The following SPOCK1 variants were observed in gnomAD, a reference collection of about 807,000 sequenced individuals.
SPOCK1 encodes SPARC (osteonectin), cwcv and kazal like domains proteoglycan 1.
In SPOCK1, 23 loss-of-function variants were observed where a neutral mutation model predicts 55.3. The observed-to-expected ratio is 0.42, with a 90% confidence interval of 0.30 to 0.59. The LOEUF is 0.59. SPOCK1 is among the 20% of genes least tolerant of loss of function. The pLI is 0.22. For missense variants in SPOCK1, 499 were observed against 552.5 expected (o/e 0.90, Z 0.97); for synonymous variants, 226 against 221.0 (o/e 1.02, Z -0.20).
chr5:137,428,779 C>T lies in SPOCK1; in HGVS notation c.186+69594G>A, dbSNP rs114148338. Reference sequence around the variant, plus strand: ...GAGTTGTCCTAACACCTCCCTCTTCCTAATTCCTCCACCTTAAAGTAAAAC... The same window carrying T: ...GAGTTGTCCTAACACCTCCCTCTTCTTAATTCCTCCACCTTAAAGTAAAAC... On this transcript the variant is annotated intron_variant, in intron 2 of 10. Transcript: ENST00000394945. 8.8e-3 allele frequency among the ~76,000 whole-genome samples: 1,343 copies of T among 152,310 alleles called. 13 individuals carry two copies. The highest frequency in any genetic ancestry group is 0.03 in the African/African-American group (1,257 of 41,566).
At chr5:137,063,090 G>A (rs369503730) in intron 6 of SPOCK1, among the ~76,000 whole-genome samples, 7 of 147,260 alleles carry the variant, frequency 4.8e-5, no homozygotes, top group South Asian at 2.3e-4. Context: ...AAAATTAGCC[G>A]GGCGCGGTGG....
At chr5:137,347,701 G>A (rs866210685) in intron 2 of SPOCK1, among the ~76,000 whole-genome samples, 42 of 151,966 alleles carry the variant, frequency 2.8e-4, no homozygotes, top group African/African-American at 9.9e-4. Flanking sequence ...TGGGCAACAG[G>A]GCAAGACTCC....
At chr5:137,181,701 C>G (rs540785069) in intron 3 of SPOCK1, among the ~76,000 whole-genome samples, 1 of 152,380 alleles carries the variant, frequency 6.6e-6, no homozygotes, top group Non-Finnish European at 1.5e-5. Context: ...AGCTGACAAA[C>G]AGGCTTACTG....
intron 6 of SPOCK1, among the ~76,000 whole-genome samples, chr5:137,051,755 T>C (rs1752212533): frequency 6.6e-6 from 1 of 152,196 alleles, no homozygotes; most frequent in Non-Finnish European, 1.5e-5. Context: ...ATATAGGGCA[T>C]TTTAAAAATA....
At chr5:137,230,147 CAT>C (rs1312344777) in intron 3 of SPOCK1, among the ~76,000 whole-genome samples, 2 of 152,240 alleles carry the variant, frequency 1.3e-5, no homozygotes, top group Non-Finnish European at 2.9e-5. Context: ...AACAACCTAA[CAT>C]AAACTCAGAG....
chr5:137,403,765 C>T (rs1181418234), intron 2 of SPOCK1, among the ~76,000 whole-genome samples: 3 of 151,644 alleles, frequency 2.0e-5, no homozygotes, highest in East Asian at 1.9e-4. Flanking sequence ...TGGAACAGAG[C>T]GAGTGAGGCA....
At chr5:137,003,967 T>C (rs1751195567) in intron 6 of SPOCK1, among the ~76,000 whole-genome samples, 1 of 152,088 alleles carries the variant, frequency 6.6e-6, no homozygotes, top group African/African-American at 2.4e-5. Flanking sequence ...GGCATAGACT[T>C]AAAATGAATG....
At chr5:137,242,981 A>T (rs906574017) in intron 3 of SPOCK1, among the ~76,000 whole-genome samples, 4 of 146,004 alleles carry the variant, frequency 2.7e-5, no homozygotes, top group African/African-American at 9.9e-5. Flanking sequence ...GAGAAAATTG[A>T]GCACAAAGAG....
intron 2 of SPOCK1, chr5:137,365,233 C>G (rs1462477225): frequency 1.3e-5 from 2 of 152,272 alleles, no homozygotes; most frequent in African/African-American, 4.8e-5. Context: ...GGCCAGTAAA[C>G]AAGTGAGGAG....
rs569704667 is a variant in SPOCK1, at chr5:137,273,075, C to A, written c.187-6020G>T. Among the ~76,000 whole-genome samples the A allele has an allele frequency of 2.6e-4, 39 of 152,274 alleles. No individual in the cohort carries two copies. In the South Asian group the frequency reaches 7.5e-3, roughly 29 times the overall value. On this transcript the variant is annotated intron_variant, in intron 2 of 10. Transcript: ENST00000394945. ...TTAGACAAAATGATTCAGAAAATAA[C>A]AATGTCAGTTGCTCTGCTCTTTCAA...
In SPOCK1 at chr5:137,446,684, A is replaced by G. The variant is rs147491569; in HGVS notation, c.186+51689T>C. ...ATTTTTAAAACAGAACAAAAAATTT[A>G]CCATTGTAAATTTTTAAGTTTACAG... On this transcript the variant is annotated intron_variant, in intron 2 of 10. Transcript: ENST00000394945. 4.6e-3 allele frequency among the ~76,000 whole-genome samples: 702 copies of G among 152,278 alleles called. 4 individuals carry two copies. The highest frequency in any genetic ancestry group is 0.016 in the African/African-American group (669 of 41,560).
At chr5:137,282,470 G>A (rs1312509001) in intron 2 of SPOCK1, among the ~76,000 whole-genome samples, 1 of 152,252 alleles carries the variant, frequency 6.6e-6, no homozygotes, top group Non-Finnish European at 1.5e-5. Flanking sequence ...CCAGCTGTCT[G>A]CAGGCGTCCT....
chr5:137,241,676 C>T (rs1190369102), intron 3 of SPOCK1, among the ~76,000 whole-genome samples: 2 of 152,130 alleles, frequency 1.3e-5, no homozygotes, highest in Non-Finnish European at 1.5e-5. Context: ...TTTTGCCCTT[C>T]AGCCATGGGA....
chr5:137,267,999 C>A (rs1271546811), intron 2 of SPOCK1, among the ~76,000 whole-genome samples: 1 of 152,234 alleles, frequency 6.6e-6, no homozygotes, highest in Non-Finnish European at 1.5e-5. Flanking sequence ...CTGCATGCTG[C>A]AGTTTTAGAA....
chr5:137,086,815 TTTC>T (rs750914303), intron 5 of SPOCK1, among the ~76,000 whole-genome samples: 3 of 152,224 alleles, frequency 2.0e-5, no homozygotes, highest in Non-Finnish European at 2.9e-5. Context: ...AACACTTAGC[TTTC>T]TACTACACCT....
At chr5:137,174,348 C>T (rs1035126025) in intron 3 of SPOCK1, among the ~76,000 whole-genome samples, 1 of 152,228 alleles carries the variant, frequency 6.6e-6, no homozygotes, top group African/African-American at 2.4e-5. Flanking sequence ...AAGAGACAAG[C>T]TGACCTAACT....
chr5:137,239,343 T>C (rs943702968), intron 3 of SPOCK1, among the ~76,000 whole-genome samples: 5 of 152,240 alleles, frequency 3.3e-5, no homozygotes, highest in Non-Finnish European at 7.3e-5. Context: ...ATGTATCTCT[T>C]CATCCGGACT....
At chr5:137,285,378 G>A (rs1757244208) in intron 2 of SPOCK1, among the ~76,000 whole-genome samples, 1 of 152,168 alleles carries the variant, frequency 6.6e-6, no homozygotes. Context: ...CATTATTCTT[G>A]AATCTTTCAC....
intron 6 of SPOCK1, among the ~76,000 whole-genome samples, chr5:137,004,989 C>T (rs1451847589): frequency 2.0e-5 from 3 of 152,192 alleles, no homozygotes; most frequent in Non-Finnish European, 4.4e-5. Context: ...GGCCTAGAGG[C>T]AGCAGATCTC....
Sources: gnomAD v4.1 joint callset for allele counts (sites outside exome capture counted in the v4.1 genomes callset) on GRCh38, gnomAD v4.1.1 for gene constraint, MANE v1.5 for transcripts, NCBI Gene and HGNC (gene_info 2026-07-23, HGNC 2026-07-21) for gene names.